The following ADAMTSL1 variants were observed in gnomAD, a reference collection of about 807,000 sequenced individuals.
ADAMTSL1 encodes the protein ADAMTS like 1.
Under a neutral mutation model 201.8 loss-of-function variants are expected in ADAMTSL1, and 126 were observed. The observed-to-expected ratio is 0.62, with a 90% confidence interval of 0.54 to 0.72. The LOEUF (loss-of-function observed/expected upper bound fraction) is 0.72. Ranked by LOEUF, ADAMTSL1 falls within the 30% of genes least tolerant of loss-of-function variation. ADAMTSL1 has a pLI of 0.00. For missense variants in ADAMTSL1, 2,679 were observed against 2,277.8 expected (o/e 1.18, Z -3.59); for synonymous variants, 1,121 against 903.4 (o/e 1.24, Z -4.32).
intron 2 of ADAMTSL1, among the ~76,000 whole-genome samples, chr9:18,375,032 A>T (rs532894917): frequency 1.3e-5 from 2 of 152,230 alleles, no homozygotes; most frequent in African/African-American, 4.8e-5. Flanking sequence ...CTTTCAGGGC[A>T]CTGGGAAACA....
chr9:18,776,811 C>T lies in ADAMTSL1; in HGVS notation c.2582C>T (p.Pro861Leu), dbSNP rs748416492. The change falls in exon 19 of 29, where the codon CCG (proline) becomes CTG (leucine). Residue 861 changes from proline (P) to leucine (L), a missense_variant. By Grantham distance (98) the Pro-to-Leu change is moderately conservative (BLOSUM62 -3). Transcript: ENST00000380548. ...GGGCGGCCATCCACGAAGCACAGCCCGCACATCGCGGCCGCCAGGAAGGTC... is the reference window on the plus strand; with the variant it reads ...GGGCGGCCATCCACGAAGCACAGCCTGCACATCGCGGCCGCCAGGAAGGTC... ...RPGRPSTKHS[P>L]HIAAARKVYI... 15 of 1,564,126 alleles carry T rather than the reference C, an allele frequency of 9.6e-6. No homozygotes were observed. Among genetic ancestry groups the T allele is most frequent in the African/African-American group, 8.1e-5 (6 of 73,772 alleles).
chr9:17,922,286 A>G (rs780941079), intron 1 of ADAMTSL1, among the ~76,000 whole-genome samples: 1 of 152,102 alleles, frequency 6.6e-6, no homozygotes, highest in African/African-American at 2.4e-5. Context: ...GCTCATGACC[A>G]TAGGATTATA....
At chr9:18,623,444 C>T (rs950399813) in intron 5 of ADAMTSL1, among the ~76,000 whole-genome samples, 2 of 152,102 alleles carry the variant, frequency 1.3e-5, no homozygotes, top group African/African-American at 4.8e-5. Flanking sequence ...AGCTCAGAGT[C>T]TGATTCCAGA....
intron 1 of ADAMTSL1, among the ~76,000 whole-genome samples, chr9:18,031,554 G>A (rs1169899785): frequency 6.6e-6 from 1 of 152,038 alleles, no homozygotes; most frequent in African/African-American, 2.4e-5. Context: ...GCCAGCAGAT[G>A]GTCTCTTACA....
chr9:18,785,040 T>G (rs1028515456), intron 19 of ADAMTSL1, among the ~76,000 whole-genome samples: 1 of 152,112 alleles, frequency 6.6e-6, no homozygotes, highest in African/African-American at 2.4e-5. Context: ...GGTGCATGCC[T>G]ATAGTCCCAG....
chr9:18,043,393 T>C (rs1262293805), intron 1 of ADAMTSL1, among the ~76,000 whole-genome samples: 1 of 152,164 alleles, frequency 6.6e-6, no homozygotes, highest in African/African-American at 2.4e-5. Context: ...ATTTTTGGGA[T>C]ATTTAGAACC....
At chr9:18,832,458 A>C (rs945046784) in intron 23 of ADAMTSL1, among the ~76,000 whole-genome samples, 1 of 152,224 alleles carries the variant, frequency 6.6e-6, no homozygotes, top group African/African-American at 2.4e-5. Context: ...AAATCTTTCG[A>C]GGGTTTTTAA....
chr9:18,718,760 C>A (rs1833134224), intron 14 of ADAMTSL1, among the ~76,000 whole-genome samples: 1 of 152,242 alleles, frequency 6.6e-6, no homozygotes, highest in Admixed American at 6.5e-5. Context: ...CACTTACACA[C>A]CTTCACACAC....
At chr9:18,173,329 A>G (rs576953925) in intron 2 of ADAMTSL1, among the ~76,000 whole-genome samples, 1 of 152,270 alleles carries the variant, frequency 6.6e-6, no homozygotes, top group African/African-American at 2.4e-5. Flanking sequence ...TAATTAAGCA[A>G]TAGTCAAAAG....
intron 1 of ADAMTSL1, among the ~76,000 whole-genome samples, chr9:18,488,240 T>C (rs1189478079): frequency 6.6e-6 from 1 of 152,180 alleles, no homozygotes; most frequent in African/African-American, 2.4e-5. Context: ...TTAGATCTGT[T>C]CTGTCACCTA....
chr9:17,952,181 T>C (rs1250763865), intron 1 of ADAMTSL1, among the ~76,000 whole-genome samples: 3 of 151,058 alleles, frequency 2.0e-5, no homozygotes, highest in Non-Finnish European at 3.0e-5. Context: ...CTTGAACTCC[T>C]GAGCTCAAGC....
chr9:17,936,670 C>T (rs1193552303), intron 1 of ADAMTSL1, among the ~76,000 whole-genome samples: 3 of 152,120 alleles, frequency 2.0e-5, no homozygotes, highest in African/African-American at 4.8e-5. Context: ...TAAATTTTCC[C>T]ACCACACAGG....
chr9:18,565,931 C>T (rs1051964910), intron 3 of ADAMTSL1, among the ~76,000 whole-genome samples: 1 of 152,110 alleles, frequency 6.6e-6, no homozygotes, highest in Admixed American at 6.5e-5. Context: ...GTGCTTACAA[C>T]ATTAAATGTT....
At chr9:18,357,014 A>G (rs1836278459) in intron 2 of ADAMTSL1, among the ~76,000 whole-genome samples, 1 of 152,164 alleles carries the variant, frequency 6.6e-6, no homozygotes, top group Non-Finnish European at 1.5e-5. Flanking sequence ...GTATTAAAGA[A>G]TACTGTCAAA....
chr9:18,883,491 C>A (rs1368603276), intron 23 of ADAMTSL1, among the ~76,000 whole-genome samples: 1 of 152,186 alleles, frequency 6.6e-6, no homozygotes, highest in Non-Finnish European at 1.5e-5. Context: ...CAGTTTGATG[C>A]CATTGCATAC....
At chr9:18,361,636 C>G (rs1257376753) in intron 2 of ADAMTSL1, among the ~76,000 whole-genome samples, 1 of 152,060 alleles carries the variant, frequency 6.6e-6, no homozygotes, top group East Asian at 1.9e-4. Context: ...CTTTTAATCC[C>G]CTAGAGTACT....
chr9:18,810,323 A>G (rs1823423034), intron 20 of ADAMTSL1, among the ~76,000 whole-genome samples: 1 of 152,234 alleles, frequency 6.6e-6, no homozygotes, highest in South Asian at 2.1e-4. Flanking sequence ...CTGCCCTTGA[A>G]CACAGTTCTG....
At chr9:18,150,184 A>G (rs1213646282) in intron 1 of ADAMTSL1, among the ~76,000 whole-genome samples, 2 of 152,072 alleles carry the variant, frequency 1.3e-5, no homozygotes, top group Non-Finnish European at 2.9e-5. Context: ...ACGGTTATGA[A>G]AAAGATTTCC....
At chr9:18,442,959 C>A (rs576862674) in intron 2 of ADAMTSL1, among the ~76,000 whole-genome samples, 6 of 152,168 alleles carry the variant, frequency 3.9e-5, no homozygotes, top group African/African-American at 1.4e-4. Flanking sequence ...GTGATGGTTC[C>A]GGCTCCTTCC....
Sources: allele counts gnomAD v4.1 joint callset (sites outside exome capture counted in the v4.1 genomes callset), GRCh38; gene constraint gnomAD v4.1.1; transcripts MANE v1.5; gene names NCBI Gene and HGNC (gene_info 2026-07-23, HGNC 2026-07-21).